The following QKI variants were observed in gnomAD, a reference collection of about 807,000 sequenced individuals.
QKI encodes the protein QKI, KH domain containing RNA binding, also known as KH domain-containing RNA-binding protein QKI.
A neutral mutation model predicts 39.0 loss-of-function variants in QKI; 10 were observed. That is an observed-to-expected ratio of 0.26 (90% CI 0.16 to 0.43). The LOEUF is 0.43. QKI is among the 20% of genes least tolerant of loss of function. The probability of loss-of-function intolerance (pLI) is 1.00; values close to 1 mark genes in which losing one functional copy is unlikely to be tolerated. For synonymous variants in QKI, 204 were observed against 155.4 expected (o/e 1.31, Z -2.33); for missense variants, 218 against 428.0 (o/e 0.51, Z 4.33).
At chr6:163,445,469 G>A (rs932197826) in intron 1 of QKI, among the ~76,000 whole-genome samples, 4 of 152,098 alleles carry the variant, frequency 2.6e-5, no homozygotes, top group Non-Finnish European at 4.4e-5. Flanking sequence ...CACTTTTGAA[G>A]AATGCTAGTT....
chr6:163,558,108 A>G (rs536218993), intron 4 of QKI, among the ~76,000 whole-genome samples: 9 of 152,230 alleles, frequency 5.9e-5, no homozygotes, highest in Non-Finnish European at 1.2e-4. Flanking sequence ...TGACATGTAC[A>G]ACTTCAGGAT....
chr6:163,523,958 G>T (rs1350471424), intron 3 of QKI, among the ~76,000 whole-genome samples: 1 of 152,244 alleles, frequency 6.6e-6, no homozygotes, highest in Admixed American at 6.5e-5. Context: ...TAGGGAGAAT[G>T]AATTTGGATA....
At chr6:163,507,984 A>T (rs1323155588) in intron 3 of QKI, among the ~76,000 whole-genome samples, 1 of 152,188 alleles carries the variant, frequency 6.6e-6, no homozygotes, top group Non-Finnish European at 1.5e-5. Flanking sequence ...CAAAAAAAGG[A>T]ACCAATGGAA....
chr6:163,488,973 C>T (rs9458835), intron 3 of QKI, among the ~76,000 whole-genome samples: 148 of 121,938 alleles, frequency 1.2e-3, no homozygotes, highest in Non-Finnish European at 1.5e-3. Context: ...CCTTCCATTT[C>T]TTTTTTTTTT....
chr6:163,421,352 A>T (rs1787977805), intron 1 of QKI, among the ~76,000 whole-genome samples: 1 of 152,234 alleles, frequency 6.6e-6, no homozygotes, highest in African/African-American at 2.4e-5. Flanking sequence ...AAGGGTATCA[A>T]TTCATAAGCA....
In QKI at chr6:163,414,992, C is replaced by G. The variant is rs1787303968; in HGVS notation, c.-202C>G. The G allele has an allele frequency of 3.0e-6, 1 of 337,434 alleles. No individual in the cohort carries two copies. The highest frequency in any genetic ancestry group is 4.1e-6 in the Non-Finnish European group (1 of 241,070). The allele number at this position is 337,434 out of a possible 1,614,324, so 20.9% of individuals were successfully genotyped here. The stretch of plus-strand genomic sequence containing the variant: ...GCGGCGGCTGGGAGCGCGTCGGGCC[C>G]GGGCGGAAAGTGCCTGCGGGGGGCG... On this transcript the variant is annotated 5_prime_UTR_variant, in exon 1 of 8. Coordinates refer to ENST00000361752, the MANE Select transcript of QKI (RefSeq NM_006775.3).
At chr6:163,418,449 A>G (rs962886956) in intron 1 of QKI, among the ~76,000 whole-genome samples, 1 of 152,056 alleles carries the variant, frequency 6.6e-6, no homozygotes, top group Non-Finnish European at 1.5e-5. Context: ...TTGACTGTGG[A>G]CAGTCCTTTT....
chr6:163,480,025 T>C (rs536804024), intron 3 of QKI, among the ~76,000 whole-genome samples: 74 of 152,306 alleles, frequency 4.9e-4, no homozygotes, highest in South Asian at 2.9e-3. Flanking sequence ...TGGGTTTTTT[T>C]CTCCTGCCAT....
intron 3 of QKI, among the ~76,000 whole-genome samples, chr6:163,514,817 G>A (rs1779692672): frequency 6.6e-6 from 1 of 152,076 alleles, no homozygotes; most frequent in Non-Finnish European, 1.5e-5. Flanking sequence ...AGAAAACATA[G>A]GAGATACATT....
chr6:163,486,367 A>G (rs1777678958), intron 3 of QKI, among the ~76,000 whole-genome samples: 1 of 152,186 alleles, frequency 6.6e-6, no homozygotes, highest in African/African-American at 2.4e-5. Flanking sequence ...ATGTCCCTAT[A>G]ACTCCTTGAA....
intron 2 of QKI, among the ~76,000 whole-genome samples, chr6:163,470,482 T>G (rs983042058): frequency 3.9e-5 from 6 of 152,148 alleles, no homozygotes; most frequent in African/African-American, 1.4e-4. Flanking sequence ...TCTTTGGCCT[T>G]ATATTATTTT....
At chr6:163,448,630 G>T (rs956491908) in intron 1 of QKI, among the ~76,000 whole-genome samples, 3 of 152,090 alleles carry the variant, frequency 2.0e-5, no homozygotes, top group Non-Finnish European at 4.4e-5. Context: ...CAGCTACTCG[G>T]GGAGGCCGAG....
intron 1 of QKI, among the ~76,000 whole-genome samples, chr6:163,424,474 T>C (rs1788253325): frequency 6.6e-6 from 1 of 152,196 alleles, no homozygotes; most frequent in Non-Finnish European, 1.5e-5. Flanking sequence ...TTAACTGGTT[T>C]GGTGATCTTG....
At chr6:163,558,653 C>A (rs1782803089) in intron 4 of QKI, among the ~76,000 whole-genome samples, 1 of 152,124 alleles carries the variant, frequency 6.6e-6, no homozygotes, top group African/African-American at 2.4e-5. Context: ...CCCACCTCAG[C>A]CTCCCAAAGT....
intron 4 of QKI, among the ~76,000 whole-genome samples, chr6:163,544,347 A>G (rs549286690): frequency 1.3e-5 from 2 of 152,132 alleles, no homozygotes; most frequent in Admixed American, 6.6e-5. Flanking sequence ...TTGAGCATTC[A>G]TGGGTTTTGG....
intron 2 of QKI, among the ~76,000 whole-genome samples, chr6:163,465,888 C>G (rs78571855): frequency 0.02 from 2,977 of 151,898 alleles, 95 homozygotes; most frequent in African/African-American, 0.068. Context: ...CTTTGGGAGG[C>G]CGAAGCGGGC....
At chr6:163,470,317 G>C (rs1338793767) in intron 2 of QKI, among the ~76,000 whole-genome samples, 1 of 152,072 alleles carries the variant, frequency 6.6e-6, no homozygotes, top group Non-Finnish European at 1.5e-5. Context: ...TTAGGAGTAA[G>C]AATGAACTAG....
intron 7 of QKI, chr6:163,568,004 T>C: frequency 2.0e-6 from 2 of 985,634 alleles, no homozygotes; most frequent in Non-Finnish European, 2.4e-6. Flanking sequence ...TTGAAGACTT[T>C]TAAACTAATG....
intron 2 of QKI, among the ~76,000 whole-genome samples, chr6:163,456,469 A>C (rs78278418): frequency 0.029 from 4,354 of 152,292 alleles, 204 homozygotes; most frequent in African/African-American, 0.099. Flanking sequence ...GAGGACTTTT[A>C]TGAAAGCAGA....
Sources: allele counts gnomAD v4.1 joint callset (sites outside exome capture counted in the v4.1 genomes callset), GRCh38; gene constraint gnomAD v4.1.1; transcripts MANE v1.5; gene names NCBI Gene and HGNC (gene_info 2026-07-23, HGNC 2026-07-21).